DYNLRB1: variants seen among roughly 807,000 people sequenced by gnomAD.
The protein encoded by DYNLRB1 is ROBL/LC7-like 1.
A neutral mutation model predicts 13.5 loss-of-function variants in DYNLRB1; 6 were observed. That is an observed-to-expected ratio of 0.44 (90% confidence interval 0.24 to 0.88). The LOEUF (loss-of-function observed/expected upper bound fraction) is 0.88, where lower values mean the gene tolerates loss of function less well. Ranked by LOEUF, DYNLRB1 falls within the 40% of genes least tolerant of loss-of-function variation. The pLI is 0.21. For missense variants in DYNLRB1, 93 were observed against 127.2 expected (o/e 0.73, Z 1.29); for synonymous variants, 43 against 45.0 (o/e 0.96, Z 0.18).
In DYNLRB1 at chr20:34,516,422, A is replaced by G; in HGVS notation, c.-37A>G. On this transcript the variant is annotated 5_prime_UTR_variant, in exon 1 of 4. Transcript: ENST00000357156. ...GGCGCAGAAAGGCACAGGACTCGCTAAGTGTTCGCTACGCGGGGCTACCGG... is the reference window on the plus strand; with the variant it reads ...GGCGCAGAAAGGCACAGGACTCGCTGAGTGTTCGCTACGCGGGGCTACCGG... 2 of 1,612,132 alleles carry G rather than the reference A, an allele frequency of 1.2e-6. No individual in the cohort carries two copies. The highest frequency in any genetic ancestry group is 1.7e-6 in the Non-Finnish European group (2 of 1,178,848).
Position 34,516,569 on chromosome 20 carries a change from G to GGTGGCTGGGC in DYNLRB1, c.3+114_3+123dup, listed in dbSNP as rs1466580570. 1.9e-6 allele frequency: 3 copies of GGTGGCTGGGC among 1,562,776 alleles called. No individual in the cohort carries two copies. The African/African-American group carries it at 4.1e-5, about 21-fold the overall frequency. On this transcript the variant is annotated intron_variant, in intron 1 of 3. Transcript: ENST00000357156. ...TCAGAGCTCCGGACAGGGAATCGGT[G>GGTGGCTGGGC]GTGGCTGGGCGTGGCCGGGCCCGGG...
chr20:34,534,931 C>T (rs1024016273), intron 3 of DYNLRB1, 136 bp downstream of exon 3: 2 of 1,521,288 alleles, frequency 1.3e-6, no homozygotes, highest in African/African-American at 1.4e-5. Context: ...TGGGTTGTTG[C>T]CTCACTGCCT....
intron 2 of DYNLRB1, among the ~76,000 whole-genome samples, chr20:34,527,075 G>A (rs944431013): frequency 1.3e-5 from 2 of 152,206 alleles, no homozygotes; most frequent in African/African-American, 4.8e-5. Flanking sequence ...CAAGATTCTG[G>A]CTGGTGCAGC....
At position 34,540,781 on chromosome 20, in the gene DYNLRB1, A is replaced by C; in HGVS notation, c.*157A>C. 1.4e-6 allele frequency: 1 copy of C among 695,916 alleles called. No individual in the cohort carries two copies. The highest frequency in any genetic ancestry group is 2.4e-6 in the Non-Finnish European group (1 of 421,944). The allele number at this position is 695,916 out of a possible 1,614,324, so 43.1% of individuals were successfully genotyped here. ...GGCTGGCGGCTCTTCTCCCCCACCA[A>C]CGGAACCCCTGTGTGCACCAACCTT... On this transcript the variant is annotated 3_prime_UTR_variant, in exon 4 of 4. Transcript: ENST00000357156.
At chr20:34,528,303 C>A (rs1331057626) in intron 2 of DYNLRB1, among the ~76,000 whole-genome samples, 1 of 23,858 alleles carries the variant, frequency 4.2e-5, no homozygotes, top group Non-Finnish European at 7.7e-5. Flanking sequence ...CAGAGCGAGA[C>A]TCCGTCTCAA....
chr20:34,517,998 A>G (rs531268486), intron 1 of DYNLRB1, among the ~76,000 whole-genome samples: 95 of 152,296 alleles, frequency 6.2e-4, no homozygotes, highest in Non-Finnish European at 1.2e-3. Flanking sequence ...GCTATTATGA[A>G]TAGTGCTGCA....
At chr20:34,523,013 C>A (rs1261262601) in intron 1 of DYNLRB1, among the ~76,000 whole-genome samples, 2 of 152,138 alleles carry the variant, frequency 1.3e-5, no homozygotes, top group Admixed American at 1.3e-4. Flanking sequence ...TTCCTGATTC[C>A]AGGGTGCCTT....
chr20:34,533,701 TC>T (rs2146645417), intron 2 of DYNLRB1: 1 of 166,932 alleles, frequency 6.0e-6, no homozygotes, highest in East Asian at 1.9e-4. Context: ...CGTCTGTAGT[TC>T]CAGCTACACA....
At chr20:34,522,621 C>T (rs543036835) in intron 1 of DYNLRB1, among the ~76,000 whole-genome samples, 35 of 151,802 alleles carry the variant, frequency 2.3e-4, no homozygotes, top group Non-Finnish European at 4.1e-4. Context: ...TGCAGGCACA[C>T]GACACCACGC....
intron 2 of DYNLRB1, chr20:34,531,332 T>A (rs916443035): frequency 6.6e-6 from 1 of 152,264 alleles, no homozygotes; most frequent in Non-Finnish European, 1.5e-5. Flanking sequence ...ACCAGCTACT[T>A]CTGCAGGCTA....
intron 3 of DYNLRB1, among the ~76,000 whole-genome samples, chr20:34,538,037 G>C (rs1018279423): frequency 1.4e-5 from 2 of 143,552 alleles, no homozygotes; most frequent in Non-Finnish European, 3.0e-5. Context: ...GCCCAGGCTG[G>C]AGTGCAGTGG....
chr20:34,519,313 G>GT (rs1979522567), intron 1 of DYNLRB1, among the ~76,000 whole-genome samples: 1 of 152,208 alleles, frequency 6.6e-6, no homozygotes, highest in Admixed American at 6.5e-5. Context: ...GCAGTTGGGT[G>GT]TGTTTCCTTC....
chr20:34,523,498 T>TC (rs1424833586), intron 1 of DYNLRB1, among the ~76,000 whole-genome samples: 6 of 152,070 alleles, frequency 3.9e-5, no homozygotes, highest in Non-Finnish European at 5.9e-5. Flanking sequence ...CCTTTGCTTT[T>TC]CCCCCTGAAC....
rs75627522 is a variant in DYNLRB1, at chr20:34,526,231, A to G, written c.4-37A>G. On this transcript the variant is annotated intron_variant, in intron 1 of 3. Transcript: ENST00000357156. ...GGGTATGAGGAAGTTAATCCTGCCT[A>G]TCGGCCTCTCCTAACCTTGGTCTTG... 2.8e-5 allele frequency: 45 copies of G among 1,611,470 alleles called. No individual in the cohort carries two copies. In the East Asian group the frequency reaches 9.4e-4, roughly 34 times the overall value.
chr20:34,529,718 A>C (rs1980552691), intron 2 of DYNLRB1: 1 of 837,316 alleles, frequency 1.2e-6, no homozygotes, highest in African/African-American at 1.8e-5. Flanking sequence ...GACAAGAATG[A>C]AACTCGGTCT....
intron 2 of DYNLRB1, among the ~76,000 whole-genome samples, chr20:34,532,775 C>T (rs1409598634): frequency 1.3e-5 from 2 of 152,186 alleles, no homozygotes; most frequent in African/African-American, 2.4e-5. Context: ...AAAGCCTCTG[C>T]GACTCACCTG....
chr20:34,521,287 C>T (rs148150100), intron 1 of DYNLRB1, among the ~76,000 whole-genome samples: 254 of 152,296 alleles, frequency 1.7e-3, no homozygotes, highest in African/African-American at 5.7e-3. Context: ...GCTGAGATTA[C>T]AGGTGTGAGC....
upstream of DYNLRB1, chr20:34,516,387 C>T (rs1015300037): frequency 7.5e-6 from 12 of 1,595,734 alleles, no homozygotes; most frequent in African/African-American, 1.6e-4. Flanking sequence ...TTGACAGAAA[C>T]CTTTGCGCAG....
At chr20:34,522,469 C>CTTT (rs771811577) in intron 1 of DYNLRB1, among the ~76,000 whole-genome samples, 20,117 of 76,776 alleles carry the variant, frequency 0.26, 2,914 homozygotes, top group Non-Finnish European at 0.31. Flanking sequence ...TTTTCTTTTT[C>CTTT]TTTTTTTTTT....
Sources: allele counts gnomAD v4.1 joint callset (sites outside exome capture counted in the v4.1 genomes callset), GRCh38; gene constraint gnomAD v4.1.1; transcripts MANE v1.5; gene names NCBI Gene and HGNC (gene_info 2026-07-23, HGNC 2026-07-21).